The following NLGN1 variants were observed in gnomAD, a reference collection of about 807,000 sequenced individuals.
NLGN1 encodes neuroligin 1.
NLGN1 carries 12 observed loss-of-function variants against 65.5 expected under a neutral mutation model. The observed-to-expected ratio is 0.18, with a 90% CI of 0.12 to 0.30. The LOEUF (loss-of-function observed/expected upper bound fraction) is 0.30. NLGN1 is among the 10% of genes least tolerant of loss of function. The pLI, the probability that NLGN1 is intolerant of heterozygous loss-of-function variation, is 1.00. For synonymous variants in NLGN1, 350 were observed against 359.5 expected (o/e 0.97, Z 0.30); for missense variants, 750 against 1,007.1 (o/e 0.74, Z 3.46).
At chr3:173,686,317 TG>T (rs1764681780) in intron 3 of NLGN1, among the ~76,000 whole-genome samples, 1 of 151,856 alleles carries the variant, frequency 6.6e-6, no homozygotes, top group African/African-American at 2.4e-5. Context: ...TTACCCCAAC[TG>T]TTTAATAAGT....
chr3:173,890,799 T>C (rs1735187951), intron 4 of NLGN1, among the ~76,000 whole-genome samples: 1 of 152,198 alleles, frequency 6.6e-6, no homozygotes, highest in Admixed American at 6.6e-5. Context: ...TAGGAGCCAG[T>C]GCTCTAATAA....
intron 2 of NLGN1, among the ~76,000 whole-genome samples, chr3:173,537,287 G>A (rs1228207688): frequency 1.3e-5 from 2 of 152,036 alleles, no homozygotes; most frequent in Non-Finnish European, 2.9e-5. Context: ...ACAATAACTA[G>A]GTTATAATTC....
At chr3:174,226,802 A>G (rs1439315459) in intron 4 of NLGN1, among the ~76,000 whole-genome samples, 2 of 152,184 alleles carry the variant, frequency 1.3e-5, no homozygotes, top group African/African-American at 4.8e-5. Flanking sequence ...TACTCTCCCC[A>G]TTCCTTGGGC....
At chr3:174,142,653 G>T (rs2152690866) in intron 4 of NLGN1, among the ~76,000 whole-genome samples, 1 of 151,642 alleles carries the variant, frequency 6.6e-6, no homozygotes, top group Admixed American at 6.6e-5. Flanking sequence ...GAAAGACAAA[G>T]AACTAAAACA....
At chr3:174,154,290 G>A (rs61421497) in intron 4 of NLGN1, among the ~76,000 whole-genome samples, 55,466 of 151,460 alleles carry the variant, frequency 0.37, 11,818 homozygotes, top group African/African-American at 0.59. Context: ...TTATTATTTA[G>A]GGTGATAGTA....
chr3:173,417,929 CA>C (rs1714122219), intron 1 of NLGN1, among the ~76,000 whole-genome samples: 1 of 151,290 alleles, frequency 6.6e-6, no homozygotes, highest in South Asian at 2.1e-4. Context: ...TTTTATTAAA[CA>C]AATACTCATC....
At chr3:174,102,597 T>A (rs116823062) in intron 4 of NLGN1, among the ~76,000 whole-genome samples, 222 of 152,218 alleles carry the variant, frequency 1.5e-3, no homozygotes, top group African/African-American at 5.2e-3. Context: ...TAAAAACTCT[T>A]CTGGTTAAAA....
chr3:173,872,030 C>T (rs1319130865), intron 4 of NLGN1, among the ~76,000 whole-genome samples: 2 of 152,074 alleles, frequency 1.3e-5, no homozygotes, highest in African/African-American at 2.4e-5. Flanking sequence ...GATGGCCCAC[C>T]GTGAGGGGGG....
At chr3:174,058,425 T>C (rs1301590962) in intron 4 of NLGN1, among the ~76,000 whole-genome samples, 1 of 152,090 alleles carries the variant, frequency 6.6e-6, no homozygotes, top group Non-Finnish European at 1.5e-5. Flanking sequence ...AATCTCACTT[T>C]TACAGATTGT....
At chr3:173,423,059 G>A (rs1427289450) in intron 1 of NLGN1, among the ~76,000 whole-genome samples, 1 of 152,174 alleles carries the variant, frequency 6.6e-6, no homozygotes, top group Non-Finnish European at 1.5e-5. Flanking sequence ...GGGCGAAGGA[G>A]AAGCAAGGAG....
chr3:173,589,374 C>G (rs2149391326), intron 2 of NLGN1, among the ~76,000 whole-genome samples: 1 of 152,188 alleles, frequency 6.6e-6, no homozygotes, highest in South Asian at 2.1e-4. Context: ...CCCATGCTGT[C>G]TCTTTGGAGG....
At chr3:173,546,794 G>A (rs1176279871) in intron 2 of NLGN1, among the ~76,000 whole-genome samples, 2 of 152,124 alleles carry the variant, frequency 1.3e-5, no homozygotes, top group Non-Finnish European at 2.9e-5. Context: ...ATAAAGTTGA[G>A]CAGTGTCCAC....
chr3:173,673,006 A>G (rs1435649343), intron 3 of NLGN1, among the ~76,000 whole-genome samples: 1 of 152,174 alleles, frequency 6.6e-6, no homozygotes, highest in African/African-American at 2.4e-5. Flanking sequence ...TATATTTTTA[A>G]TAATTGTGAT....
At chr3:173,818,892 G>GTTTTTTTTTTTTTTTTTTT (rs1224307666) in intron 4 of NLGN1, among the ~76,000 whole-genome samples, 1 of 21,316 alleles carries the variant, frequency 4.7e-5, no homozygotes, top group African/African-American at 2.7e-4. Flanking sequence ...CCTTTGAATA[G>GTTTTTTTTTTTTTTTTTTT]TTCTTTTTTT....
chr3:174,231,265 G>A (rs1740648088), intron 4 of NLGN1, among the ~76,000 whole-genome samples: 1 of 152,210 alleles, frequency 6.6e-6, no homozygotes, highest in Non-Finnish European at 1.5e-5. Context: ...AGTCCCAGAA[G>A]CACAGGAAAT....
In NLGN1 at chr3:173,412,678, A is replaced by G. The variant is rs1487332572; in HGVS notation, c.-390+14191A>G. Reference sequence around the variant, plus strand: ...TGGCTGATTCTAAACCAAATTATAAAAACACTGGAAAGGAAGAATTGCTAT... The same window carrying G: ...TGGCTGATTCTAAACCAAATTATAAGAACACTGGAAAGGAAGAATTGCTAT... On this transcript the variant is annotated intron_variant, in intron 1 of 6. Transcript: ENST00000457714. Among the ~76,000 whole-genome samples, 4 of 152,158 alleles carry G rather than the reference A, an allele frequency of 2.6e-5. No individual in the cohort carries two copies. In the East Asian group the frequency reaches 7.7e-4, roughly 29 times the overall value.
intron 4 of NLGN1, among the ~76,000 whole-genome samples, chr3:174,205,385 C>T (rs9821369): frequency 0.75 from 113,554 of 151,970 alleles, 42,452 homozygotes; most frequent in East Asian, 0.8. Flanking sequence ...ACCTCTTCTA[C>T]ACTTAGTACA....
chr3:173,625,730 T>G lies in NLGN1; in HGVS notation c.493+20639T>G, dbSNP rs1363643861. Among the ~76,000 whole-genome samples, 5 of 152,266 alleles carry G rather than the reference T, an allele frequency of 3.3e-5. No individual in the cohort carries two copies. The East Asian group carries it at 9.6e-4, about 29-fold the overall frequency. On this transcript the variant is annotated intron_variant, in intron 3 of 6. Transcript: ENST00000457714. ...TGAGGTTAAGGAGTATTCGGTTAAC[T>G]TGGCTAACCTATTCACCTGAATCTG...
intron 3 of NLGN1, among the ~76,000 whole-genome samples, chr3:173,749,393 G>C (rs890576370): frequency 6.6e-6 from 1 of 152,002 alleles, no homozygotes; most frequent in Non-Finnish European, 1.5e-5. Context: ...TTTATAAAAT[G>C]AGAAGATTGT....
Sources: gnomAD v4.1 joint callset for allele counts (sites outside exome capture counted in the v4.1 genomes callset) on GRCh38, gnomAD v4.1.1 for gene constraint, MANE v1.5 for transcripts, NCBI Gene and HGNC (gene_info 2026-07-23, HGNC 2026-07-21) for gene names.